SHISA9: variants seen among roughly 807,000 people sequenced by gnomAD.
The protein encoded by SHISA9 is protein shisa-9.
In SHISA9, 13 loss-of-function variants were observed where a neutral mutation model predicts 38.0. That is an observed-to-expected ratio of 0.34 (90% CI 0.22 to 0.54). SHISA9 has a LOEUF of 0.54. SHISA9 is among the 20% of genes least tolerant of loss of function. The pLI, the probability that SHISA9 is intolerant of heterozygous loss-of-function variation, is 0.91. For synonymous variants in SHISA9, 275 were observed against 242.0 expected, an observed-to-expected ratio of 1.14 and a Z score of -1.27; for missense variants, 538 against 575.8, an observed-to-expected ratio of 0.93 and a Z score of 0.67.
chr16:13,226,251 A>G (rs1168662952), intron 4 of SHISA9, among the ~76,000 whole-genome samples: 1 of 152,224 alleles, frequency 6.6e-6, no homozygotes, highest in African/African-American at 2.4e-5. Flanking sequence ...GGTAATGGAA[A>G]TGATTCATCC....
the SHISA9 span, among the ~76,000 whole-genome samples, chr16:13,308,348 G>T: frequency 2.6e-5 from 4 of 152,178 alleles, no homozygotes; most frequent in African/African-American, 9.7e-5. Context: ...GTTAGTTGAA[G>T]TGGAATGGTA....
At chr16:13,472,377 A>AGT in the SHISA9 span, among the ~76,000 whole-genome samples, 137 of 55,476 alleles carry the variant, frequency 2.5e-3, 3 homozygotes, top group Middle Eastern at 0.019. Flanking sequence ...GCTCTGCTAA[A>AGT]TTTTTTTTTT....
chr16:13,059,462 T>C (rs2073349631), intron 2 of SHISA9, among the ~76,000 whole-genome samples: 1 of 152,000 alleles, frequency 6.6e-6, no homozygotes, highest in South Asian at 2.1e-4. Flanking sequence ...ACAGAGTCTA[T>C]CTGTAAACAT....
At chr16:13,342,550 T>C in the SHISA9 span, among the ~76,000 whole-genome samples, 1 of 152,182 alleles carries the variant, frequency 6.6e-6, no homozygotes, top group Admixed American at 6.5e-5. Context: ...CCTTCTGAAG[T>C]GCTGGGACTA....
chr16:13,433,908 A>G, the SHISA9 span, among the ~76,000 whole-genome samples: 1 of 152,188 alleles, frequency 6.6e-6, no homozygotes, highest in African/African-American at 2.4e-5. Context: ...CCCTAGAGGG[A>G]CAGAACTAAT....
At chr16:13,058,611 C>T (rs2073337200) in intron 2 of SHISA9, among the ~76,000 whole-genome samples, 1 of 152,200 alleles carries the variant, frequency 6.6e-6, no homozygotes, top group South Asian at 2.1e-4. Flanking sequence ...CACAAAAGTT[C>T]TCTTCTAGTC....
At chr16:13,233,173 G>C (rs566024111) in intron 4 of SHISA9, among the ~76,000 whole-genome samples, 1 of 152,260 alleles carries the variant, frequency 6.6e-6, no homozygotes, top group African/African-American at 2.4e-5. Context: ...TTTATGGTTT[G>C]TAGGATATGA....
intron 2 of SHISA9, among the ~76,000 whole-genome samples, chr16:13,193,034 A>C (rs1469100634): frequency 6.6e-6 from 1 of 152,196 alleles, no homozygotes; most frequent in Non-Finnish European, 1.5e-5. Flanking sequence ...CTGACTGGGA[A>C]ATTTTGCAGG....
At chr16:13,021,580 T>C (rs1596591153) in intron 2 of SHISA9, among the ~76,000 whole-genome samples, 1 of 152,136 alleles carries the variant, frequency 6.6e-6, no homozygotes, top group East Asian at 1.9e-4. Context: ...AACATCTCTT[T>C]CATAAAAGGC....
intron 2 of SHISA9, among the ~76,000 whole-genome samples, chr16:13,181,046 T>G (rs1380470215): frequency 6.6e-6 from 1 of 152,006 alleles, no homozygotes; most frequent in Non-Finnish European, 1.5e-5. Context: ...GCAAAATAGA[T>G]ATTGTTATTG....
chr16:13,121,650 G>A (rs1475774360), intron 2 of SHISA9, among the ~76,000 whole-genome samples: 1 of 151,790 alleles, frequency 6.6e-6, no homozygotes, highest in Non-Finnish European at 1.5e-5. Context: ...TTTTGAATAA[G>A]CAATATCTGC....
At chr16:13,044,207 C>G (rs1348806082) in intron 2 of SHISA9, among the ~76,000 whole-genome samples, 1 of 152,118 alleles carries the variant, frequency 6.6e-6, no homozygotes, top group Non-Finnish European at 1.5e-5. Context: ...AATGTAGAAT[C>G]CACGTGGCAC....
intron 2 of SHISA9, among the ~76,000 whole-genome samples, chr16:12,977,133 C>T (rs540312445): frequency 4.6e-4 from 70 of 152,272 alleles, no homozygotes; most frequent in African/African-American, 1.5e-3. Flanking sequence ...TGACTCACTG[C>T]AGTCTCTTCC....
At chr16:13,298,821 C>T in the SHISA9 span, among the ~76,000 whole-genome samples, 1 of 152,208 alleles carries the variant, frequency 6.6e-6, no homozygotes, top group Non-Finnish European at 1.5e-5. Flanking sequence ...TCCTGGCCCC[C>T]ATGCTGAGAT....
the SHISA9 span, chr16:13,474,085 G>C: frequency 1.3e-5 from 2 of 152,328 alleles, no homozygotes; most frequent in East Asian, 3.9e-4. Flanking sequence ...GTGAGCACTA[G>C]ACTGACTTCT....
At chr16:13,092,484 G>T (rs1629718) in intron 2 of SHISA9, among the ~76,000 whole-genome samples, 1 of 152,206 alleles carries the variant, frequency 6.6e-6, no homozygotes, top group Non-Finnish European at 1.5e-5. Context: ...CGTCCAGTTC[G>T]AGCTTCCTGG....
At chr16:13,339,249 A>G in the SHISA9 span, among the ~76,000 whole-genome samples, 1 of 146,976 alleles carries the variant, frequency 6.8e-6, no homozygotes, top group Admixed American at 7.0e-5. Context: ...CTTAAGGGCT[A>G]TTAGGTACTT....
the SHISA9 span, among the ~76,000 whole-genome samples, chr16:13,487,878 A>C: frequency 1.3e-5 from 2 of 152,206 alleles, no homozygotes; most frequent in Non-Finnish European, 2.9e-5. Context: ...GGGCCAAGAC[A>C]GTTTGGGTTG....
At chr16:13,420,145 C>G in the SHISA9 span, among the ~76,000 whole-genome samples, 1 of 133,288 alleles carries the variant, frequency 7.5e-6, no homozygotes, top group Non-Finnish European at 1.5e-5. Flanking sequence ...ACTCTGGATG[C>G]TGAGGCAGAA....
Sources: allele counts gnomAD v4.1 joint callset (sites outside exome capture counted in the v4.1 genomes callset), GRCh38; gene constraint gnomAD v4.1.1; transcripts MANE v1.5; gene names NCBI Gene and HGNC (gene_info 2026-07-23, HGNC 2026-07-21).